PHACTR1: variants seen among roughly 807,000 people sequenced by gnomAD.
The protein encoded by PHACTR1 is RPEL repeat containing 1.
In PHACTR1, 16 loss-of-function variants were observed where a neutral mutation model predicts 69.2. The observed-to-expected ratio is 0.23, with a 90% CI of 0.16 to 0.35. The LOEUF is 0.35. Ranked by LOEUF, PHACTR1 falls within the 10% of genes least tolerant of loss-of-function variation. The pLI is 1.00. For synonymous variants in PHACTR1, 312 were observed against 284.5 expected, an observed-to-expected ratio of 1.10 and a Z score of -0.97; for missense variants, 510 against 734.7, an observed-to-expected ratio of 0.69 and a Z score of 3.54.
At position 13,207,590 on chromosome 6, in the gene PHACTR1, ATGTG is replaced by A. The variant is rs112423592; in HGVS notation, c.986+1470_986+1473del. On this transcript the variant is annotated intron_variant, in intron 8 of 14. Coordinates refer to ENST00000332995, the MANE Select transcript of PHACTR1 (RefSeq NM_030948.6). ...TGATTGTGTATACACACATGAGTGT[ATGTG>A]TGTGTGTGTGTGTGTATTCAAACAC... 3.3e-3 allele frequency among the ~76,000 whole-genome samples: 496 copies of A among 150,894 alleles called. 4 individuals carry two copies. Among genetic ancestry groups the A allele is most frequent in the African/African-American group, 0.011 (461 of 41,258 alleles).
intron 6 of PHACTR1, among the ~76,000 whole-genome samples, chr6:13,161,346 C>T (rs1758978328): frequency 6.6e-6 from 1 of 152,046 alleles, no homozygotes; most frequent in Non-Finnish European, 1.5e-5. Context: ...CTTCTTCCTC[C>T]TCCCTCCTCT....
chr6:13,192,444 G>C (rs778620307), intron 7 of PHACTR1, among the ~76,000 whole-genome samples: 2 of 152,214 alleles, frequency 1.3e-5, no homozygotes, highest in Non-Finnish European at 2.9e-5. Flanking sequence ...GATTCTTGTG[G>C]TGTAGTAAGG....
At chr6:13,009,055 C>A (rs577716781) in intron 4 of PHACTR1, among the ~76,000 whole-genome samples, 65 of 152,288 alleles carry the variant, frequency 4.3e-4, no homozygotes, top group Non-Finnish European at 7.1e-4. Context: ...CCTGTGGCAG[C>A]AGTGTCACTC....
At chr6:12,798,068 A>ACACACACACACACACACC (rs758442149) in intron 4 of PHACTR1, among the ~76,000 whole-genome samples, 40 of 150,022 alleles carry the variant, frequency 2.7e-4, no homozygotes, top group African/African-American at 8.6e-4. Context: ...ACACACACAC[A>ACACACACACACACACACC]CCCCTACATA....
chr6:13,172,523 A>G (rs928752685), intron 6 of PHACTR1, among the ~76,000 whole-genome samples: 4 of 152,188 alleles, frequency 2.6e-5, no homozygotes, highest in East Asian at 1.9e-4. Flanking sequence ...TTTATTGACC[A>G]TGAGGTGCAG....
intron 10 of PHACTR1, among the ~76,000 whole-genome samples, chr6:13,258,931 A>G (rs942301304): frequency 6.6e-6 from 1 of 152,238 alleles, no homozygotes; most frequent in Non-Finnish European, 1.5e-5. Context: ...TTGTTTTTAT[A>G]TATAGCTCTA....
intron 4 of PHACTR1, among the ~76,000 whole-genome samples, chr6:12,930,078 T>C (rs1788705299): frequency 6.6e-6 from 1 of 151,938 alleles, no homozygotes; most frequent in Non-Finnish European, 1.5e-5. Flanking sequence ...GATCTTGCTC[T>C]GTCACCCAGG....
intron 7 of PHACTR1, among the ~76,000 whole-genome samples, chr6:13,203,220 G>C (rs534568542): frequency 1.3e-5 from 2 of 152,300 alleles, no homozygotes; most frequent in Non-Finnish European, 2.9e-5. Context: ...CTGTAAACAT[G>C]ATTTGCATCT....
intron 6 of PHACTR1, among the ~76,000 whole-genome samples, chr6:13,181,661 G>C (rs567835682): frequency 6.6e-6 from 1 of 152,252 alleles, no homozygotes; most frequent in East Asian, 1.9e-4. Flanking sequence ...TCGGCACCGG[G>C]AGAATTCTGG....
chr6:13,058,198 C>T (rs1807095559), intron 5 of PHACTR1, among the ~76,000 whole-genome samples: 1 of 152,092 alleles, frequency 6.6e-6, no homozygotes, highest in African/African-American at 2.4e-5. Context: ...CAGTGCCTCC[C>T]CAAATAGTCA....
chr6:13,244,261 A>AGAT (rs879643527), intron 10 of PHACTR1, among the ~76,000 whole-genome samples: 2,174 of 152,288 alleles, frequency 0.014, 44 homozygotes, highest in African/African-American at 0.049. Context: ...CAAGTACTTA[A>AGAT]CAGGGTAATA....
intron 3 of PHACTR1, among the ~76,000 whole-genome samples, chr6:12,735,642 G>A (rs1335138336): frequency 1.3e-5 from 2 of 152,194 alleles, no homozygotes; most frequent in South Asian, 2.1e-4. Flanking sequence ...CTATTGAATT[G>A]TCTTTCATTC....
At chr6:12,753,972 T>TATA (rs1297804427) in intron 4 of PHACTR1, among the ~76,000 whole-genome samples, 29 of 137,026 alleles carry the variant, frequency 2.1e-4, no homozygotes, top group South Asian at 4.8e-4. Flanking sequence ...ATATATATAT[T>TATA]TTTTTTTTGA....
At chr6:13,095,863 C>T (rs771608644) in intron 5 of PHACTR1, among the ~76,000 whole-genome samples, 2 of 133,112 alleles carry the variant, frequency 1.5e-5, no homozygotes, top group Non-Finnish European at 3.1e-5. Flanking sequence ...TCACATTTCA[C>T]GTTTTATGTG....
At chr6:13,190,196 G>GTCTTTTTTTTTTTTTTTT (rs1220683843) in intron 7 of PHACTR1, among the ~76,000 whole-genome samples, 1 of 31,848 alleles carries the variant, frequency 3.1e-5, no homozygotes, top group African/African-American at 1.0e-4. Flanking sequence ...GCTAATTTTT[G>GTCTTTTTTTTTTTTTTTT]TATTTTTTTT....
intron 4 of PHACTR1, among the ~76,000 whole-genome samples, chr6:13,007,462 G>C (rs1798920162): frequency 6.6e-6 from 1 of 152,050 alleles, no homozygotes; most frequent in South Asian, 2.1e-4. Flanking sequence ...TTTATCCCCA[G>C]ACATGAGCAG....
At chr6:13,086,528 CT>C (rs1054355980) in intron 5 of PHACTR1, among the ~76,000 whole-genome samples, 1 of 151,912 alleles carries the variant, frequency 6.6e-6, no homozygotes, top group Non-Finnish European at 1.5e-5. Context: ...GTAACCAGTG[CT>C]TTTTTTTCTG....
intron 4 of PHACTR1, among the ~76,000 whole-genome samples, chr6:12,758,877 T>C (rs980009457): frequency 6.6e-6 from 1 of 151,390 alleles, no homozygotes; most frequent in Non-Finnish European, 1.5e-5. Flanking sequence ...GATCCTTGCG[T>C]TTTGGGAGGC....
chr6:12,984,221 T>C (rs1360170394), intron 4 of PHACTR1, among the ~76,000 whole-genome samples: 1 of 152,232 alleles, frequency 6.6e-6, no homozygotes, highest in African/African-American at 2.4e-5. Context: ...GTTTCCTGAC[T>C]TTTTAATGAT....
Sources: gnomAD v4.1 joint callset for allele counts (sites outside exome capture counted in the v4.1 genomes callset) on GRCh38, gnomAD v4.1.1 for gene constraint, MANE v1.5 for transcripts, NCBI Gene and HGNC (gene_info 2026-07-23, HGNC 2026-07-21) for gene names.